Variants in VWA2 observed in about 807,000 individuals in gnomAD.
VWA2 encodes the protein von Willebrand factor A domain containing 2.
In VWA2, 73 loss-of-function variants were observed where a neutral mutation model predicts 70.4. That is an observed-to-expected ratio of 1.04 (90% confidence interval 0.86 to 1.26). The LOEUF is 1.26. VWA2 is among the 50% of genes most tolerant of loss of function. The pLI is 0.00. For missense variants in VWA2, 1,011 were observed against 998.5 expected, an observed-to-expected ratio of 1.01 and a Z score of -0.17; for synonymous variants, 407 against 423.3, an observed-to-expected ratio of 0.96 and a Z score of 0.47.
chr10:114,293,298 A>G lies in VWA2; in HGVS notation c.*2061A>G, dbSNP rs900024250. Among the ~76,000 whole-genome samples the G allele has an allele frequency of 1.3e-5, 2 of 152,234 alleles. No individual in the cohort carries two copies. Among genetic ancestry groups the G allele is most frequent in the African/African-American group, 4.8e-5 (2 of 41,460 alleles). ...TGATCAGTGATGTCATAGAAATTAC[A>G]TGAATGCATTGTCTTTAAATAGCAG... On this transcript the variant is annotated 3_prime_UTR_variant, in exon 14 of 14. Coordinates refer to ENST00000392982, the MANE Select transcript of VWA2 (RefSeq NM_001272046.2).
chr10:114,254,442 C>T (rs557388679), intron 3 of VWA2, among the ~76,000 whole-genome samples: 10 of 152,214 alleles, frequency 6.6e-5, no homozygotes, highest in South Asian at 2.1e-4. Flanking sequence ...CACCAGGTAA[C>T]GGGGTGGCTA....
At chr10:114,269,724 T>C (rs1344465275) in intron 5 of VWA2, among the ~76,000 whole-genome samples, 3 of 152,204 alleles carry the variant, frequency 2.0e-5, no homozygotes, top group Admixed American at 2.0e-4. Flanking sequence ...CAAGCACTTT[T>C]TCTTTTCACT....
chr10:114,276,696 T>A (rs1329226413), intron 6 of VWA2, among the ~76,000 whole-genome samples: 1 of 149,444 alleles, frequency 6.7e-6, no homozygotes, highest in East Asian at 2.0e-4. Context: ...TTTTTTTTTT[T>A]TTTGTAGAGA....
chr10:114,256,909 CA>C (rs1191231574), intron 4 of VWA2, among the ~76,000 whole-genome samples: 1,672 of 54,824 alleles, frequency 0.03, 11 homozygotes, highest in East Asian at 0.12. Context: ...AACACCGTCT[CA>C]AAAAAAAAAA....
At chr10:114,254,853 TCTGCTTCAGAAGTGAGA>T in intron 3 of VWA2, 45 bp from the exon 4 acceptor site, 6 of 1,587,644 alleles carry the variant, frequency 3.8e-6, no homozygotes, top group African/African-American at 2.7e-5. Flanking sequence ...GTGCCTTCAC[TCTGCTTCAGAAGTGAGA>T]CCGACTTGCT....
In VWA2 at chr10:114,292,727, C is replaced by T. The variant is rs143090422; in HGVS notation, c.*1490C>T. 2.5e-4 allele frequency among the ~76,000 whole-genome samples: 38 copies of T among 151,682 alleles called. 1 individual carries two copies. The highest frequency in any genetic ancestry group is 8.5e-4 in the African/African-American group (35 of 41,346). ...TTTATCGTTTTTCTTTTTTTTGAGA[C>T]GGAGTTTTGCTCTTGTTGCCCAGGC... On this transcript the variant is annotated 3_prime_UTR_variant, in exon 14 of 14. Coordinates refer to ENST00000392982, the MANE Select transcript of VWA2 (RefSeq NM_001272046.2).
chr10:114,254,848 T>C (rs903623095), intron 3 of VWA2, 67 bp from the exon 4 acceptor site: 10 of 1,583,258 alleles, frequency 6.3e-6, no homozygotes, highest in African/African-American at 2.7e-5. Flanking sequence ...TGTTTGTGCC[T>C]TCACTCTGCT....
intron 6 of VWA2, among the ~76,000 whole-genome samples, chr10:114,277,119 A>C (rs1036169832): frequency 7.4e-6 from 1 of 134,960 alleles, no homozygotes; most frequent in African/African-American, 2.8e-5. Flanking sequence ...GTCCACCCTG[A>C]TGACTTTTCA....
chr10:114,242,983 C>T (rs1248830092), intron 1 of VWA2, among the ~76,000 whole-genome samples: 1 of 152,150 alleles, frequency 6.6e-6, no homozygotes, highest in Non-Finnish European at 1.5e-5. Context: ...CTTGCAGTCA[C>T]CCAGCTGCTA....
intron 6 of VWA2, among the ~76,000 whole-genome samples, chr10:114,276,519 G>A (rs921885451): frequency 1.3e-5 from 2 of 152,004 alleles, no homozygotes; most frequent in East Asian, 3.9e-4. Context: ...ATTTTTTTGA[G>A]ACAGGGTCCC....
At chr10:114,267,917 G>GTCTCC (rs2037609854) in intron 5 of VWA2, among the ~76,000 whole-genome samples, 1 of 152,116 alleles carries the variant, frequency 6.6e-6, no homozygotes, top group African/African-American at 2.4e-5. Context: ...ACATCATTAA[G>GTCTCC]TCTCCTGAGA....
chr10:114,278,631 G>A, intron 7 of VWA2, 88 bp from the exon 8 acceptor site: 1 of 1,573,462 alleles, frequency 6.4e-7, no homozygotes. Flanking sequence ...CCTCCCAGGA[G>A]CGGGAGCAGC....
chr10:114,250,232 A>G (rs2037167417), intron 2 of VWA2, among the ~76,000 whole-genome samples: 1 of 152,252 alleles, frequency 6.6e-6, no homozygotes, highest in South Asian at 2.1e-4. Flanking sequence ...TACATTCTTT[A>G]ACATTCTTTA....
intron 5 of VWA2, among the ~76,000 whole-genome samples, chr10:114,266,389 A>G (rs1341759006): frequency 6.6e-6 from 1 of 152,184 alleles, no homozygotes; most frequent in East Asian, 1.9e-4. Context: ...TGCAATGAGT[A>G]ATCATCATGT....
intron 1 of VWA2, among the ~76,000 whole-genome samples, chr10:114,245,186 C>G (rs932190311): frequency 6.6e-6 from 1 of 152,172 alleles, no homozygotes; most frequent in Non-Finnish European, 1.5e-5. Context: ...AACATACATT[C>G]TATTTTAATG....
chr10:114,252,543 A>T (rs886661666), intron 2 of VWA2, among the ~76,000 whole-genome samples: 1 of 152,044 alleles, frequency 6.6e-6, no homozygotes, highest in Non-Finnish European at 1.5e-5. Context: ...CCCAGACTGA[A>T]ACCCTCTTTT....
intron 1 of VWA2, among the ~76,000 whole-genome samples, chr10:114,242,083 C>G (rs975429078): frequency 1.6e-4 from 24 of 152,116 alleles, no homozygotes; most frequent in African/African-American, 5.6e-4. Context: ...TTTCCTCTTC[C>G]ACCTACCACA....
At chr10:114,288,065 T>A (rs750982984) in intron 11 of VWA2, among the ~76,000 whole-genome samples, 1 of 152,168 alleles carries the variant, frequency 6.6e-6, no homozygotes, top group Admixed American at 6.5e-5. Flanking sequence ...TGGTTCCCCT[T>A]TGCACTTGGA....
intron 13 of VWA2, among the ~76,000 whole-genome samples, chr10:114,290,622 A>G (rs2039488621): frequency 6.6e-6 from 1 of 152,232 alleles, no homozygotes; most frequent in Non-Finnish European, 1.5e-5. Flanking sequence ...GACAGACAAT[A>G]AGCAAATAAT....
Sources: allele counts gnomAD v4.1 joint callset (sites outside exome capture counted in the v4.1 genomes callset), GRCh38; gene constraint gnomAD v4.1.1; transcripts MANE v1.5; gene names NCBI Gene and HGNC (gene_info 2026-07-23, HGNC 2026-07-21).